Variants in MRPL47 observed in about 807,000 individuals in gnomAD.
MRPL47 encodes mitochondrial ribosomal protein L47, also known as large ribosomal subunit protein uL29m.
MRPL47 carries 31 observed loss-of-function variants against 34.0 expected under a neutral mutation model. That is an observed-to-expected ratio of 0.91 (90% confidence interval 0.68 to 1.23). The LOEUF (loss-of-function observed/expected upper bound fraction) is 1.23, where lower values mean the gene tolerates loss of function less well. Among genes scored for constraint, MRPL47 ranks in the 50% most tolerant of loss-of-function variants. The pLI is 0.00. For missense variants in MRPL47, 328 were observed against 285.8 expected (o/e 1.15, Z -1.07); for synonymous variants, 106 against 101.6 (o/e 1.04, Z -0.26).
rs1053928011 is a variant in MRPL47 at position 179,598,791 on chromosome 3, C to G, written c.306-20G>C. On this transcript the variant is annotated intron_variant, in intron 3 of 6. Transcript: ENST00000476781. Reference sequence around the variant, plus strand: ...ACATACCTATACAAAAGAACACAAACCTTGTGATGCTATTCTGTGGTTATG... The same window carrying G: ...ACATACCTATACAAAAGAACACAAAGCTTGTGATGCTATTCTGTGGTTATG... 5 of 1,435,088 alleles carry G rather than the reference C, an allele frequency of 3.5e-6. No individual in the cohort carries two copies. The African/African-American group carries it at 7.0e-5, about 20-fold the overall frequency. 88.9% of individuals were successfully genotyped at this position (1,435,088 alleles called of 1,614,324 possible).
In MRPL47 at chr3:179,592,714, G is replaced by A. The variant is rs780317900; in HGVS notation, c.559C>T (p.Pro187Ser). The A allele has an allele frequency of 1.1e-5, 17 of 1,613,502 alleles. No individual in the cohort carries two copies. The highest frequency in any genetic ancestry group is 1.4e-5 in the Non-Finnish European group (17 of 1,179,734). ...IWHKFKQWVIPWHLNKRYNRK... is the reference protein window; with the variant it reads ...IWHKFKQWVISWHLNKRYNRK... ...TTGTATCTTTTATTTAGGTGCCAAG[G>A]TATAACCCACTGCTTGAACTTGTGC... Residue 187 changes from proline to serine, a missense_variant, in exon 6 of 7, where the codon CCT (proline) becomes TCT (serine). Physicochemically the swap from Pro to Ser is moderately conservative, Grantham distance 74. Transcript: ENST00000476781.
At chr3:179,596,290 C>A (rs1718786274) in intron 4 of MRPL47, among the ~76,000 whole-genome samples, 1 of 152,126 alleles carries the variant, frequency 6.6e-6, no homozygotes, top group African/African-American at 2.4e-5. Flanking sequence ...TTTTACTCTT[C>A]CTTAAACAGT....
intron 4 of MRPL47, among the ~76,000 whole-genome samples, chr3:179,594,267 T>C (rs1415510234): frequency 6.6e-6 from 1 of 152,204 alleles, no homozygotes; most frequent in East Asian, 1.9e-4. Flanking sequence ...AAAAGACATG[T>C]TCTGGTCTCA....
chr3:179,593,364 CAA>C (rs1279727397), intron 5 of MRPL47, among the ~76,000 whole-genome samples: 1 of 152,176 alleles, frequency 6.6e-6, no homozygotes, highest in Non-Finnish European at 1.5e-5. Flanking sequence ...TCTCAATGTG[CAA>C]AGAGGGCAGG....
At chr3:179,599,962 C>T (rs1242672608) in intron 3 of MRPL47, among the ~76,000 whole-genome samples, 1 of 151,776 alleles carries the variant, frequency 6.6e-6, no homozygotes, top group African/African-American at 2.4e-5. Context: ...CCCGTCTCTA[C>T]TAAAATACAA....
intron 6 of MRPL47, among the ~76,000 whole-genome samples, chr3:179,591,831 CT>C (rs141373534): frequency 2.8e-4 from 41 of 148,200 alleles, no homozygotes; most frequent in African/African-American, 1.0e-3. Flanking sequence ...GTGGCTATTT[CT>C]TTTTTTTTTC....
chr3:179,589,052 T>C lies in MRPL47; in HGVS notation c.630-57A>G. The C allele has an allele frequency of 2.6e-6, 4 of 1,528,776 alleles. No individual in the cohort carries two copies. The South Asian group carries it at 4.8e-5, about 19-fold the overall frequency. The allele number at this position is 1,528,776 out of a possible 1,614,324, so 94.7% of individuals were successfully genotyped here. A position where few individuals can be genotyped will look rare whatever the true frequency, so the allele number is the denominator to read the frequency against. On this transcript the variant is annotated intron_variant, in intron 6 of 6. Transcript: ENST00000476781. ...ACAAAAATATTTCCTTGTTATTCAA[T>C]ACTATCAAAATATGCATAAATCAAT... is the stretch of plus-strand genomic sequence containing the variant.
Position 179,602,654 on chromosome 3 carries a change from G to C in MRPL47, c.242C>G (p.Ser81Cys). The C allele has an allele frequency of 6.3e-7, 1 of 1,597,874 alleles. No homozygotes were observed. Among genetic ancestry groups the C allele is most frequent in the Non-Finnish European group, 8.5e-7 (1 of 1,172,028 alleles). Residue 81 changes from serine to cysteine, a missense_variant and splice_region_variant, in exon 2 of 7, where the codon TCT becomes TGT. Ser to Cys is a moderately radical substitution (Grantham distance 112). Coordinates refer to ENST00000476781, the MANE Select transcript of MRPL47 (RefSeq NM_020409.3). ...PKNWGQEKVK[S>C]GAAWTCQQLR... ...GTTGACAAATCCAAGTATCTCACCA[G>C]ATTTTACTTTTTCTTGCCCCCAGTT...
chr3:179,590,349 AG>A (rs149698898), intron 6 of MRPL47, among the ~76,000 whole-genome samples: 152 of 151,782 alleles, frequency 1.0e-3, no homozygotes, highest in Middle Eastern at 3.4e-3. Flanking sequence ...AAAAAAAAAA[AG>A]AAAAAAAGTG....
At position 179,592,457 on chromosome 3, in the gene MRPL47, G is replaced by C. The variant is rs541353081; in HGVS notation, c.629+187C>G. Among the ~76,000 whole-genome samples the C allele has an allele frequency of 8.3e-4, 127 of 152,276 alleles. 1 individual carries two copies. Among genetic ancestry groups the C allele is most frequent in the African/African-American group, 2.7e-3 (111 of 41,556 alleles). ...GATCCACCCACCTCGGCCTCCCAAA[G>C]TGCTGGGATTACAGGTGTGAGCCAC... is the stretch of plus-strand genomic sequence containing the variant. On this transcript the variant is annotated intron_variant, in intron 6 of 6. Transcript: ENST00000476781.
At chr3:179,589,354 G>C (rs565542884) in intron 6 of MRPL47, among the ~76,000 whole-genome samples, 1 of 152,284 alleles carries the variant, frequency 6.6e-6, no homozygotes, top group South Asian at 2.1e-4. Flanking sequence ...CTATTTGAAA[G>C]TAGGGAATTC....
rs1485598212 is a variant in MRPL47, at chr3:179,604,591, T to C, written c.34A>G (p.Arg12Gly). 1.2e-6 allele frequency: 2 copies of C among 1,614,192 alleles called. No homozygotes were observed. Among genetic ancestry groups the C allele is most frequent in the South Asian group, 1.1e-5 (1 of 91,090 alleles). The stretch of plus-strand genomic sequence containing the variant: ...GAAGATTTCAGGGCGGATGAAACTC[T>C]CCTACAAAGAAGGGCCAAACCGGCC... ...AAAGLALLCR[R>G]VSSALKSSRS... The change falls in exon 1 of 7, where the codon AGA (arginine) becomes GGA (glycine). Residue 12 changes from arginine (R) to glycine (G), a missense_variant. Transcript: ENST00000476781.
intron 4 of MRPL47, among the ~76,000 whole-genome samples, chr3:179,598,425 C>CACACAA (rs1718841949): frequency 7.9e-6 from 1 of 125,908 alleles, no homozygotes; most frequent in Non-Finnish European, 1.6e-5. Flanking sequence ...CACACACACA[C>CACACAA]AAACAAAAAA....
chr3:179,604,073 A>T (rs1038414665), intron 1 of MRPL47, among the ~76,000 whole-genome samples: 1 of 152,200 alleles, frequency 6.6e-6, no homozygotes, highest in Non-Finnish European at 1.5e-5. Context: ...AGGACCAAGA[A>T]AAATAAATAA....
chr3:179,599,744 T>C (rs1053237557), intron 3 of MRPL47, among the ~76,000 whole-genome samples: 7 of 152,092 alleles, frequency 4.6e-5, no homozygotes, highest in African/African-American at 7.2e-5. Flanking sequence ...GAATTTATGA[T>C]AGAAGGGAGA....
At chr3:179,601,570 T>C (rs1718926761) in intron 3 of MRPL47, among the ~76,000 whole-genome samples, 160 bp downstream of exon 3, 2 of 152,270 alleles carry the variant, frequency 1.3e-5, no homozygotes, top group Admixed American at 1.3e-4. Context: ...ACCTCTGTCA[T>C]ATAAAATCTT....
Position 179,589,011 on chromosome 3 carries a change from C to T in MRPL47, c.630-16G>A, listed in dbSNP as rs757445474. On this transcript the variant is annotated splice_polypyrimidine_tract_variant and intron_variant, in intron 6 of 6. Transcript: ENST00000476781. ...ACGTTCCAGTCTAGAATAAAAAAAGCGTAACAGCAATTTATACAAAAATAT... is the reference window on the plus strand; with the variant it reads ...ACGTTCCAGTCTAGAATAAAAAAAGTGTAACAGCAATTTATACAAAAATAT... The T allele has an allele frequency of 1.5e-5, 23 of 1,586,068 alleles. No homozygotes were observed. The highest frequency in any genetic ancestry group is 9.2e-5 in the South Asian group (8 of 86,492).
chr3:179,598,713 G>A lies in MRPL47; in HGVS notation c.364C>T (p.Gln122Ter). 6.2e-7 allele frequency: 1 copy of A among 1,613,202 alleles called. No homozygotes were observed. The highest frequency in any genetic ancestry group is 8.5e-7 in the Non-Finnish European group (1 of 1,179,318). ...TCTGGACTTGGCATTGGCAATCTCT[G>A]CCGCTTGGCCTCCTGCTCTAGGGTT... is the stretch of plus-strand genomic sequence containing the variant. The part of the protein sequence containing the change: ...LLTLEQEAKR[Q>*]RLPMPSPERL... The change falls in exon 4 of 7, where the codon CAG becomes TAG. Residue 122 changes from glutamine (Q) to a stop codon, truncating the protein, a stop_gained. Coordinates refer to ENST00000476781, the MANE Select transcript of MRPL47 (RefSeq NM_020409.3). LOFTEE classifies it high-confidence loss of function.
At chr3:179,593,623 G>T in intron 5 of MRPL47, 142 bp downstream of exon 5, 2 of 656,784 alleles carry the variant, frequency 3.0e-6, no homozygotes, top group Non-Finnish European at 4.8e-6. Flanking sequence ...AGTCCAAAGG[G>T]GTGTGGGGCC....
Sources: allele counts gnomAD v4.1 joint callset (sites outside exome capture counted in the v4.1 genomes callset), GRCh38; gene constraint gnomAD v4.1.1; transcripts MANE v1.5; gene names NCBI Gene and HGNC (gene_info 2026-07-23, HGNC 2026-07-21).